Variants in ZNF622 observed in about 807,000 individuals in gnomAD.
ZNF622 encodes the protein zinc finger protein 622.
Under a neutral mutation model 49.7 loss-of-function variants are expected in ZNF622, and 34 were observed. That is an observed-to-expected ratio of 0.68 (90% confidence interval 0.52 to 0.91). The LOEUF is 0.91. Ranked by LOEUF, ZNF622 falls within the 40% of genes least tolerant of loss-of-function variation. The pLI is 0.00. For missense variants in ZNF622, 569 were observed against 616.4 expected, an observed-to-expected ratio of 0.92 and a Z score of 0.81; for synonymous variants, 209 against 228.7, an observed-to-expected ratio of 0.91 and a Z score of 0.78.
At position 16,465,716 on chromosome 5, in the gene ZNF622, C is replaced by A. The variant is rs1225505852; in HGVS notation, c.-51G>T. On this transcript the variant is annotated 5_prime_UTR_variant, in exon 1 of 6. Coordinates refer to ENST00000308683, the MANE Select transcript of ZNF622 (RefSeq NM_033414.3). This position sits in a 1 kb window ranked among gnomAD's most constrained non-coding sequence, Gnocchi z 6.2. ...CAAGCCAAACACCTGGTGATCAGCGCCGTGGCCCCACAAGACCCTCAGACC... is the reference window on the plus strand; with the variant it reads ...CAAGCCAAACACCTGGTGATCAGCGACGTGGCCCCACAAGACCCTCAGACC... The A allele has an allele frequency of 1.3e-6, 2 of 1,522,254 alleles. No homozygotes were observed. Among genetic ancestry groups the A allele is most frequent in the East Asian group, 4.5e-5 (2 of 44,142 alleles). 94.3% of individuals were successfully genotyped at this position (1,522,254 alleles called of 1,614,324 possible).
At position 16,465,109 on chromosome 5, in the gene ZNF622, T is replaced by G; in HGVS notation, c.557A>C (p.Gln186Pro). The change falls in exon 1 of 6, where the codon CAG becomes CCG. Residue 186 changes from glutamine (Q) to proline (P), a missense_variant. Coordinates refer to ENST00000308683, the MANE Select transcript of ZNF622 (RefSeq NM_033414.3). The surrounding 1 kb of genome is among the most constrained non-coding windows in gnomAD (Gnocchi z 6.2). Reference protein sequence around the residue: ...KPPRLQWFEQQAKKLAKQQEE... With the variant: ...KPPRLQWFEQPAKKLAKQQEE... ...CTGCTGCTTTGCCAACTTCTTCGCCTGCTGTTCAAACCACTGGAGCCGGGG... is the reference window on the plus strand; with the variant it reads ...CTGCTGCTTTGCCAACTTCTTCGCCGGCTGTTCAAACCACTGGAGCCGGGG... 1 of 1,613,358 alleles carries G rather than the reference T, an allele frequency of 6.2e-7. No homozygotes were observed. The highest frequency in any genetic ancestry group is 8.5e-7 in the Non-Finnish European group (1 of 1,179,484).
At chr5:16,453,196 T>C (rs754156037) in intron 4 of ZNF622, 40 bp from the exon 5 acceptor site, 30 of 1,404,260 alleles carry the variant, frequency 2.1e-5, no homozygotes, top group South Asian at 1.8e-4. Context: ...CTGAGTTGGA[T>C]AGTTTTTTCA....
intron 4 of ZNF622, among the ~76,000 whole-genome samples, chr5:16,457,714 T>G (rs1474142007): frequency 6.6e-6 from 1 of 152,194 alleles, no homozygotes; most frequent in Admixed American, 6.5e-5. Flanking sequence ...GCACCGTTAC[T>G]GCAAATCTCC....
chr5:16,461,608 T>C (rs972231749), intron 3 of ZNF622, among the ~76,000 whole-genome samples: 3 of 151,946 alleles, frequency 2.0e-5, no homozygotes, highest in Non-Finnish European at 4.4e-5. Context: ...TGAAAGAAAA[T>C]AGAAGAATAA....
chr5:16,462,741 T>C (rs1026155361), intron 3 of ZNF622, among the ~76,000 whole-genome samples: 3 of 152,156 alleles, frequency 2.0e-5, no homozygotes, highest in Non-Finnish European at 4.4e-5. Flanking sequence ...TTAGCAACTG[T>C]CTCAACTCCT....
intron 1 of ZNF622, 150 bp downstream of exon 1, chr5:16,464,891 G>T: frequency 1.7e-6 from 2 of 1,156,992 alleles, no homozygotes; most frequent in Non-Finnish European, 1.2e-6. Flanking sequence ...GCCAGATAAG[G>T]CACTTCAGAA....
chr5:16,462,337 CA>C, intron 3 of ZNF622, among the ~76,000 whole-genome samples: 1 of 152,178 alleles, frequency 6.6e-6, no homozygotes, highest in African/African-American at 2.4e-5. Flanking sequence ...ACTTAACATA[CA>C]TTTGCTAAAT....
At position 16,453,027 on chromosome 5, in the gene ZNF622, C is replaced by T; in HGVS notation, c.1292G>A (p.Trp431Ter). ...GATCAATGTACCTGTGCTGCCAGTC[C>T]ATCCCAGGGCTCTGTACTGCTGAAG... ...RVLQQYRALG[W>*]TGSTGAALMR... The change falls in exon 5 of 6, where the codon TGG becomes TAG. Residue 431 changes from tryptophan to a stop codon, truncating the protein, a stop_gained. Transcript: ENST00000308683. LOFTEE classifies it high-confidence loss of function. 1 of 1,479,492 alleles carries T rather than the reference C, an allele frequency of 6.8e-7. No homozygotes were observed. Among genetic ancestry groups the T allele is most frequent in the Non-Finnish European group, 9.1e-7 (1 of 1,104,668 alleles). 91.6% of individuals were successfully genotyped at this position (1,479,492 alleles called of 1,614,324 possible).
intron 4 of ZNF622, among the ~76,000 whole-genome samples, chr5:16,455,708 A>G (rs901523459): frequency 1.3e-5 from 2 of 152,236 alleles, no homozygotes; most frequent in African/African-American, 4.8e-5. Context: ...AATGTTGGTC[A>G]TTAGTACATA....
rs771446219 is a variant in ZNF622 at position 16,465,347 on chromosome 5, C to G, written c.319G>C (p.Glu107Gln). The G allele has an allele frequency of 1.2e-6, 2 of 1,614,280 alleles. No homozygotes were observed. Among genetic ancestry groups the G allele is most frequent in the Non-Finnish European group, 1.7e-6 (2 of 1,180,052 alleles). Residue 107 changes from glutamate (E) to glutamine (Q), a missense_variant, in exon 1 of 6, where the codon GAG (glutamate) becomes CAG (glutamine). By Grantham distance (29) the Glu-to-Gln change is conservative. Coordinates refer to ENST00000308683, the MANE Select transcript of ZNF622 (RefSeq NM_033414.3). This position sits in a 1 kb window ranked among gnomAD's most constrained non-coding sequence, Gnocchi z 6.2. The part of the protein sequence containing the change: ...KAVQAVNRKV[E>Q]MMNEKNLEKG... Reference sequence around the variant, plus strand: ...TCCAAGTTCTTTTCATTCATCATCTCCACTTTCCGATTCACTGCCTGCACG... The same window carrying G: ...TCCAAGTTCTTTTCATTCATCATCTGCACTTTCCGATTCACTGCCTGCACG...
rs1737932904 is a variant in ZNF622, at chr5:16,451,571, G to A, written c.*86C>T. ...AGAACGAATGAAGTAGCAGCAAAAG[G>A]GTCTCTCCTATGATCTGTCTTTCAC... is the stretch of plus-strand genomic sequence containing the variant. On this transcript the variant is annotated 3_prime_UTR_variant, in exon 6 of 6. Transcript: ENST00000308683. 2.0e-6 allele frequency: 3 copies of A among 1,505,930 alleles called. No individual in the cohort carries two copies. The African/African-American group carries it at 4.2e-5, about 21-fold the overall frequency. The allele number at this position is 1,505,930 out of a possible 1,614,324, so 93.3% of individuals were successfully genotyped here. A position where few individuals can be genotyped will look rare whatever the true frequency, so the allele number is the denominator to read the frequency against.
In ZNF622 at chr5:16,465,407, T is replaced by C; in HGVS notation, c.259A>G (p.Lys87Glu). Residue 87 changes from lysine to glutamate, a missense_variant, in exon 1 of 6, where the codon AAG (lysine) becomes GAG (glutamate). Physicochemically the swap from Lys to Glu is moderately conservative, Grantham distance 56. Transcript: ENST00000308683. This position sits in a 1 kb window ranked among gnomAD's most constrained non-coding sequence, Gnocchi z 6.2. The stretch of plus-strand genomic sequence containing the variant: ...TCCAGCTCAACGTGACGCCGGGACT[T>C]GAGGTGGTTCTCGTAGGCGTTGAAA... The part of the protein sequence containing the change: ...ASFNAYENHL[K>E]SRRHVELEKK... 6.2e-7 allele frequency: 1 copy of C among 1,614,254 alleles called. No individual in the cohort carries two copies. The highest frequency in any genetic ancestry group is 8.5e-7 in the Non-Finnish European group (1 of 1,180,044).
At position 16,463,147 on chromosome 5, in the gene ZNF622, C is replaced by T. The variant is rs200470817; in HGVS notation, c.1010G>A (p.Gly337Asp). 268 of 1,612,250 alleles carry T rather than the reference C, an allele frequency of 1.7e-4. 5 individuals are homozygous for T. The East Asian group carries it at 5.2e-3, about 32-fold the overall frequency. The change falls in exon 3 of 6, where the codon GGC (glycine) becomes GAC (aspartate). Residue 337 changes from glycine to aspartate, a missense_variant. Physicochemically the swap from Gly to Asp is moderately conservative, Grantham distance 94 (BLOSUM62 -1). Transcript: ENST00000308683. This position sits in a 1 kb window ranked among gnomAD's most constrained non-coding sequence, Gnocchi z 4.2. ...GTCTGCAAATTCCAAAGCAGCATCG[C>T]CATCTGTGAAGAGCTTACAGTGGCT... ...DKSHCKLFTD[G>D]DAALEFADFY... is the part of the protein sequence containing the mutation.
Position 16,453,068 on chromosome 5 carries a change from C to A in ZNF622, c.1251G>T (p.Lys417Asn). 6.3e-7 allele frequency: 1 copy of A among 1,586,776 alleles called. No homozygotes were observed. The highest frequency in any genetic ancestry group is 1.8e-5 in the Admixed American group (1 of 56,830). ...SRAVAVAKNRKAVGRVLQQYR... is the reference protein window; with the variant it reads ...SRAVAVAKNRNAVGRVLQQYR... ...ACTGCTGAAGTACTCGGCCCACGGC[C>A]TTCCGATTTTTGGCAACTGCCACAG... Residue 417 changes from lysine (K) to asparagine (N), a missense_variant, in exon 5 of 6, where the codon AAG becomes AAT. Lys to Asn is a moderately conservative substitution (Grantham distance 94). Transcript: ENST00000308683.
At chr5:16,455,876 C>A (rs1388319605) in intron 4 of ZNF622, among the ~76,000 whole-genome samples, 2 of 152,172 alleles carry the variant, frequency 1.3e-5, no homozygotes, top group East Asian at 3.9e-4. Flanking sequence ...GCTCCCCCTA[C>A]CCTGTGCCAA....
At position 16,463,739 on chromosome 5, in the gene ZNF622, C is replaced by T; in HGVS notation, c.629G>A (p.Trp210Ter). ...TTCTTCATCAGAATCAATATCTTCC[C>T]AATCTGCAAGCCAGAATTTTGAAAT... Reference protein sequence around the residue: ...EEEEDLDGDDWEDIDSDEELE... With the variant: ...EEEEDLDGDD The change falls in exon 2 of 6, where the codon TGG becomes TAG. Residue 210 changes from tryptophan to a stop codon, truncating the protein, a stop_gained. Transcript: ENST00000308683. LOFTEE classifies it high-confidence loss of function. The surrounding 1 kb of genome is among the most constrained non-coding windows in gnomAD (Gnocchi z 4.2). 1 of 1,610,196 alleles carries T rather than the reference C, an allele frequency of 6.2e-7. No individual in the cohort carries two copies. The highest frequency in any genetic ancestry group is 8.5e-7 in the Non-Finnish European group (1 of 1,178,008).
chr5:16,462,109 T>C (rs1738128597), intron 3 of ZNF622, among the ~76,000 whole-genome samples: 2 of 152,016 alleles, frequency 1.3e-5, no homozygotes, highest in African/African-American at 4.8e-5. Context: ...CAGCCTCTAA[T>C]CCTCCCCTCT....
At position 16,465,006 on chromosome 5, in the gene ZNF622, C is replaced by A. The variant is rs1274978778; in HGVS notation, c.625+35G>T. 1 of 1,531,940 alleles carries A rather than the reference C, an allele frequency of 6.5e-7. No homozygotes were observed. 94.9% of individuals were successfully genotyped at this position (1,531,940 alleles called of 1,614,324 possible). A position where few individuals can be genotyped will look rare whatever the true frequency, so the allele number is the denominator to read the frequency against. On this transcript the variant is annotated intron_variant, in intron 1 of 5. Transcript: ENST00000308683. This position sits in a 1 kb window ranked among gnomAD's most constrained non-coding sequence, Gnocchi z 6.2. ...TGGAAACTTAAGGGTGGGCCAAGTT[C>A]CTCTTTACCCTCCCCGCCCAGACAG...
rs893295190 is a variant in ZNF622 at position 16,458,511 on chromosome 5, A to C, written c.1162+6T>G. The C allele has an allele frequency of 6.2e-7, 1 of 1,602,286 alleles. No homozygotes were observed. Among genetic ancestry groups the C allele is most frequent in the Non-Finnish European group, 8.5e-7 (1 of 1,170,068 alleles). On this transcript the variant is annotated splice_donor_region_variant and intron_variant, in intron 4 of 5. Coordinates refer to ENST00000308683, the MANE Select transcript of ZNF622 (RefSeq NM_033414.3). The stretch of plus-strand genomic sequence containing the variant: ...TAAGCTATTTATTTTTGACAAATGC[A>C]CTTACCAGAAGGCAGAATCAATTCC...
Sources: gnomAD v4.1 joint callset for allele counts (sites outside exome capture counted in the v4.1 genomes callset) on GRCh38, gnomAD v4.1.1 for gene constraint, Gnocchi (gnomAD v3.1) non-coding constraint, MANE v1.5 for transcripts, NCBI Gene and HGNC (gene_info 2026-07-23, HGNC 2026-07-21) for gene names.